GFOD2: variants seen among roughly 807,000 people sequenced by gnomAD.
GFOD2 encodes the protein Gfo/Idh/MocA-like oxidoreductase domain containing 2, also known as glucose-fructose oxidoreductase domain-containing protein 2.
In GFOD2, 9 loss-of-function variants were observed where a neutral mutation model predicts 24.6. The ratio of observed to expected loss-of-function variants is 0.37; its 90% CI spans 0.22 to 0.64. The LOEUF (loss-of-function observed/expected upper bound fraction) is 0.64, where lower values mean the gene tolerates loss of function less well. Among genes scored for constraint, GFOD2 ranks in the 30% least tolerant of loss-of-function variants. GFOD2 has a pLI of 0.65. For synonymous variants in GFOD2, 211 were observed against 224.8 expected, an observed-to-expected ratio of 0.94 and a Z score of 0.55; for missense variants, 476 against 532.5, an observed-to-expected ratio of 0.89 and a Z score of 1.04.
intron 1 of GFOD2, among the ~76,000 whole-genome samples, chr16:67,709,820 T>C (rs1386627917): frequency 6.6e-6 from 1 of 152,192 alleles, no homozygotes. Flanking sequence ...TTTCCCATAT[T>C]GCCCAGGCTG....
chr16:67,691,542 C>A (rs969310689), intron 1 of GFOD2, among the ~76,000 whole-genome samples: 1 of 148,280 alleles, frequency 6.7e-6, no homozygotes, highest in Non-Finnish European at 1.5e-5. Flanking sequence ...TAAGACTCTG[C>A]GGCAGGTCCC....
intron 1 of GFOD2, among the ~76,000 whole-genome samples, chr16:67,707,870 T>G (rs1050993942): frequency 6.6e-6 from 1 of 152,124 alleles, no homozygotes; most frequent in African/African-American, 2.4e-5. Flanking sequence ...AAAAACATTA[T>G]GTAGAGTGAA....
At chr16:67,695,688 A>C (rs898979582) in intron 1 of GFOD2, among the ~76,000 whole-genome samples, 1 of 151,804 alleles carries the variant, frequency 6.6e-6, no homozygotes, top group Non-Finnish European at 1.5e-5. Flanking sequence ...GGCATGCGCC[A>C]CCATACCTGG....
chr16:67,717,667 TGTA>T (rs1274988724), intron 1 of GFOD2, among the ~76,000 whole-genome samples: 4 of 152,168 alleles, frequency 2.6e-5, no homozygotes, highest in Non-Finnish European at 4.4e-5. Flanking sequence ...GGTACATGCC[TGTA>T]GTCCCAGCTA....
chr16:67,707,723 A>AT (rs1473070651), intron 1 of GFOD2, among the ~76,000 whole-genome samples: 2 of 152,110 alleles, frequency 1.3e-5, no homozygotes, highest in African/African-American at 2.4e-5. Context: ...AATTTTATTA[A>AT]TTTTTTTGTA....
chr16:67,694,937 T>G (rs1442790244), intron 1 of GFOD2, among the ~76,000 whole-genome samples: 1 of 151,922 alleles, frequency 6.6e-6, no homozygotes, highest in Admixed American at 6.6e-5. Flanking sequence ...GTAAACTGTC[T>G]GTGGCCACTC....
chr16:67,674,881 C>A lies in GFOD2; in HGVS notation c.*274G>T. 2.2e-6 allele frequency: 1 copy of A among 449,504 alleles called. No individual in the cohort carries two copies. Among genetic ancestry groups the A allele is most frequent in the Non-Finnish European group, 4.0e-6 (1 of 250,504 alleles). 27.8% of individuals were successfully genotyped at this position (449,504 alleles called of 1,614,324 possible). A position where few individuals can be genotyped will look rare whatever the true frequency, so the allele number is the denominator to read the frequency against. On this transcript the variant is annotated 3_prime_UTR_variant, in exon 3 of 3. Coordinates refer to ENST00000268797, the MANE Select transcript of GFOD2 (RefSeq NM_030819.4). Reference sequence around the variant, plus strand: ...AAGGGCTCCCCAGGGTGAGCCTTTCCTGGTCCGACTCACTGGCATCACCAT... The same window carrying A: ...AAGGGCTCCCCAGGGTGAGCCTTTCATGGTCCGACTCACTGGCATCACCAT...
chr16:67,698,281 G>A (rs538134266), intron 1 of GFOD2, among the ~76,000 whole-genome samples: 54 of 152,262 alleles, frequency 3.5e-4, no homozygotes, highest in South Asian at 1.5e-3. Flanking sequence ...TCCCCACTCC[G>A]TCATTGCACC....
intron 2 of GFOD2, among the ~76,000 whole-genome samples, chr16:67,678,643 T>C (rs895780502): frequency 1.3e-5 from 2 of 152,190 alleles, no homozygotes; most frequent in African/African-American, 4.8e-5. Flanking sequence ...ACTTCACTGC[T>C]AGATGATCTG....
chr16:67,717,777 T>C (rs562477756), intron 1 of GFOD2, among the ~76,000 whole-genome samples: 1 of 150,500 alleles, frequency 6.6e-6, no homozygotes, highest in African/African-American at 2.5e-5. Flanking sequence ...GGTGACAGAG[T>C]GAGACTCCGT....
chr16:67,685,106 GAACA>G (rs1164932750), intron 2 of GFOD2: 3 of 1,269,332 alleles, frequency 2.4e-6, no homozygotes, highest in African/African-American at 3.0e-5. Context: ...AGAAATGGGA[GAACA>G]AACACACTAG....
At chr16:67,692,157 G>A (rs1174807948) in intron 1 of GFOD2, among the ~76,000 whole-genome samples, 2 of 150,262 alleles carry the variant, frequency 1.3e-5, no homozygotes, top group African/African-American at 4.9e-5. Context: ...AAGTGTGGGG[G>A]ATATACCCAC....
intron 1 of GFOD2, among the ~76,000 whole-genome samples, chr16:67,711,472 C>G (rs1237609015): frequency 6.6e-6 from 1 of 152,176 alleles, no homozygotes; most frequent in African/African-American, 2.4e-5. Flanking sequence ...GTCTATTTCT[C>G]TTTTCTATCT....
intron 1 of GFOD2, among the ~76,000 whole-genome samples, chr16:67,701,558 G>A (rs2053402674): frequency 6.6e-6 from 1 of 152,160 alleles, no homozygotes; most frequent in South Asian, 2.1e-4. Flanking sequence ...CAAAACTATA[G>A]GGACAAAGAG....
At chr16:67,688,788 G>A (rs993008641) in intron 1 of GFOD2, among the ~76,000 whole-genome samples, 1 of 145,302 alleles carries the variant, frequency 6.9e-6, no homozygotes, top group African/African-American at 2.6e-5. Flanking sequence ...AGGCTGGAGT[G>A]CAGTGGCATG....
chr16:67,706,540 T>C (rs779631949), intron 1 of GFOD2, among the ~76,000 whole-genome samples: 5 of 152,136 alleles, frequency 3.3e-5, no homozygotes, highest in African/African-American at 4.8e-5. Context: ...CTCACTGTTA[T>C]ATGCAAAAAT....
chr16:67,694,552 G>A (rs1204428677), intron 1 of GFOD2, among the ~76,000 whole-genome samples: 2 of 151,980 alleles, frequency 1.3e-5, no homozygotes, highest in African/African-American at 2.4e-5. Context: ...CTCCCACCTC[G>A]GCCACCCAAA....
At chr16:67,692,371 C>T (rs1028767797) in intron 1 of GFOD2, among the ~76,000 whole-genome samples, 3 of 151,692 alleles carry the variant, frequency 2.0e-5, no homozygotes, top group Non-Finnish European at 2.9e-5. Flanking sequence ...CACCTGAGAT[C>T]AGTTCACGAC....
intron 2 of GFOD2, chr16:67,682,327 A>C: frequency 1.0e-6 from 1 of 984,800 alleles, no homozygotes; most frequent in Non-Finnish European, 1.2e-6. Flanking sequence ...TGAGCCACCA[A>C]GCCTGGCCTG....
Sources: gnomAD v4.1 joint callset for allele counts (sites outside exome capture counted in the v4.1 genomes callset) on GRCh38, gnomAD v4.1.1 for gene constraint, MANE v1.5 for transcripts, NCBI Gene and HGNC (gene_info 2026-07-23, HGNC 2026-07-21) for gene names.